The following SCGB2B2 variants were observed in gnomAD, a reference collection of about 807,000 sequenced individuals.
The protein encoded by SCGB2B2 is secretoglobin family 2B member 2.
In SCGB2B2, 11 loss-of-function variants were observed where a neutral mutation model predicts 7.6. That is an observed-to-expected ratio of 1.45 (90% confidence interval 0.91 to 2.40). The LOEUF is 2.40. Among genes scored for constraint, SCGB2B2 ranks in the 30% most tolerant of loss-of-function variants. SCGB2B2 has a pLI of 0.00. For missense variants in SCGB2B2, 104 were observed against 115.4 expected, an observed-to-expected ratio of 0.90 and a Z score of 0.45; for synonymous variants, 50 against 48.6, an observed-to-expected ratio of 1.03 and a Z score of -0.12.
intron 1 of SCGB2B2, among the ~76,000 whole-genome samples, chr19:34,668,272 GGGCCCCGCACTCCGAGCTGCCGGCC>G (rs1322837348): frequency 2.0e-5 from 3 of 152,124 alleles, no homozygotes; most frequent in African/African-American, 7.2e-5. Flanking sequence ...TGGGCTTGGC[GGGCCCCGCACTCCGAGCTGCCGGCC>G]GGCCCTGCCT....
chr19:34,631,234 T>A lies in SCGB2B2; in HGVS notation c.-2031-34640A>T, dbSNP rs939481916. ...ACATATGTAACAAACCTGCACGTTG[T>A]GCACATGTACCCTAAAACTTAAAGT... On this transcript the variant is annotated intron_variant, in intron 1 of 3. Coordinates refer to ENST00000601241, the MANE Select transcript of SCGB2B2 (RefSeq NM_001025591.4). 7.2e-5 allele frequency among the ~76,000 whole-genome samples: 11 copies of A among 151,944 alleles called. No individual in the cohort carries two copies. In the East Asian group the frequency reaches 1.9e-3, roughly 27 times the overall value.
At chr19:34,643,933 T>C (rs1355046222) in intron 1 of SCGB2B2, among the ~76,000 whole-genome samples, 1 of 152,066 alleles carries the variant, frequency 6.6e-6, no homozygotes, top group Non-Finnish European at 1.5e-5. Context: ...AATTACTTTC[T>C]ACAGAAAAAG....
intron 1 of SCGB2B2, among the ~76,000 whole-genome samples, chr19:34,637,144 A>AGGGGGCAGAATT (rs927485782): frequency 5.9e-5 from 9 of 152,168 alleles, no homozygotes; most frequent in Non-Finnish European, 1.0e-4. Flanking sequence ...CCAGGAGGGA[A>AGGGGGCAGAATT]GGGGGCAGAA....
intron 1 of SCGB2B2, among the ~76,000 whole-genome samples, chr19:34,616,297 T>A (rs1057244473): frequency 5.4e-5 from 8 of 148,990 alleles, no homozygotes; most frequent in African/African-American, 2.0e-4. Flanking sequence ...TAGTTTACAG[T>A]CCCACCGACA....
chr19:34,651,048 T>C (rs954657788), intron 1 of SCGB2B2, among the ~76,000 whole-genome samples: 2 of 151,324 alleles, frequency 1.3e-5, no homozygotes, highest in Non-Finnish European at 2.9e-5. Context: ...TAAAATTCAA[T>C]AGTCCTTAAT....
chr19:34,675,470 G>GA (rs1400656675), intron 1 of SCGB2B2, among the ~76,000 whole-genome samples, 160 bp downstream of exon 1: 1 of 152,198 alleles, frequency 6.6e-6, no homozygotes, highest in African/African-American at 2.4e-5. Context: ...AAATGAGGCT[G>GA]AGACCTACTT....
At chr19:34,626,054 G>A (rs547199197) in intron 1 of SCGB2B2, among the ~76,000 whole-genome samples, 1 of 152,320 alleles carries the variant, frequency 6.6e-6, no homozygotes, top group Non-Finnish European at 1.5e-5. Flanking sequence ...CTGCAGCTGA[G>A]GGTCCTGACT....
rs181765508 is a variant in SCGB2B2, at chr19:34,625,405, C to T, written c.-2031-28811G>A. ...GGGTGACAGACGGCACATGGAAAAT[C>T]GGGTCACTCCCACCCTAATACTGCA... is the stretch of plus-strand genomic sequence containing the variant. On this transcript the variant is annotated intron_variant, in intron 1 of 3. Coordinates refer to ENST00000601241, the MANE Select transcript of SCGB2B2 (RefSeq NM_001025591.4). Among the ~76,000 whole-genome samples the T allele has an allele frequency of 4.3e-3, 654 of 152,296 alleles. 6 individuals are homozygous for T. Among genetic ancestry groups the T allele is most frequent in the African/African-American group, 0.014 (596 of 41,554 alleles).
In SCGB2B2 at chr19:34,661,994, C is replaced by A. The variant is rs1002721502; in HGVS notation, c.-2032+13636G>T. On this transcript the variant is annotated intron_variant, in intron 1 of 3. Coordinates refer to ENST00000601241, the MANE Select transcript of SCGB2B2 (RefSeq NM_001025591.4). ...TCCCAGGTTCAAGCAATTCTCCTGC[C>A]TCAGCCTCCCAAGTAGCTAGGACTA... Among the ~76,000 whole-genome samples, 13 of 152,094 alleles carry A rather than the reference C, an allele frequency of 8.5e-5. 1 individual carries two copies. Among genetic ancestry groups the A allele is most frequent in the Non-Finnish European group, 1.6e-4 (11 of 68,020 alleles).
chr19:34,658,720 A>G (rs2067355219), intron 1 of SCGB2B2, among the ~76,000 whole-genome samples: 1 of 151,744 alleles, frequency 6.6e-6, no homozygotes, highest in African/African-American at 2.4e-5. Context: ...CAATCAACAG[A>G]AAAAGAGGGA....
rs74183311 is a variant in SCGB2B2, at chr19:34,615,439, A to AT, written c.-2031-18846dup. On this transcript the variant is annotated intron_variant, in intron 1 of 3. Coordinates refer to ENST00000601241, the MANE Select transcript of SCGB2B2 (RefSeq NM_001025591.4). The stretch of plus-strand genomic sequence containing the variant: ...GGGGATGGGACAGTGGAGGTCCAGC[A>AT]TTTTTTTTTTTTTTTCATTCTCAAT... 3.6e-3 allele frequency among the ~76,000 whole-genome samples: 475 copies of AT among 133,646 alleles called. 3 individuals carry two copies. The highest frequency in any genetic ancestry group is 9.9e-3 in the African/African-American group (346 of 34,938). The allele number at this position is 133,646 out of a possible 152,430, so 87.7% of individuals were successfully genotyped here. A position where few individuals can be genotyped will look rare whatever the true frequency, so the allele number is the denominator to read the frequency against.
chr19:34,598,512 G>A (rs1361008963), intron 1 of SCGB2B2, among the ~76,000 whole-genome samples: 3 of 151,974 alleles, frequency 2.0e-5, no homozygotes, highest in Non-Finnish European at 4.4e-5. Context: ...ATCCTGCAGA[G>A]GATTTTTGGA....
At chr19:34,642,038 C>T (rs930032065) in intron 1 of SCGB2B2, among the ~76,000 whole-genome samples, 2 of 152,180 alleles carry the variant, frequency 1.3e-5, no homozygotes, top group Admixed American at 6.5e-5. Flanking sequence ...TCTCCAATGC[C>T]ACTCTGCTGT....
At chr19:34,605,755 T>A (rs1302356799) in intron 1 of SCGB2B2, among the ~76,000 whole-genome samples, 2 of 151,162 alleles carry the variant, frequency 1.3e-5, no homozygotes, top group Non-Finnish European at 3.0e-5. Context: ...GTCTGGCTAA[T>A]TTTTTTTTGT....
At chr19:34,611,512 T>C (rs948218898) in intron 1 of SCGB2B2, among the ~76,000 whole-genome samples, 21 of 152,164 alleles carry the variant, frequency 1.4e-4, no homozygotes, top group African/African-American at 4.8e-4. Context: ...GTTGTGTTGG[T>C]TTCATCTGAA....
chr19:34,601,238 C>T lies in SCGB2B2; in HGVS notation c.-2031-4644G>A, dbSNP rs565396836. On this transcript the variant is annotated intron_variant, in intron 1 of 3. Transcript: ENST00000601241. Reference sequence around the variant, plus strand: ...CTTCTGAGTTCTCTATTTTGTCTCACTAGTCTGTTTGTCTGTCTCTATGCC... The same window carrying T: ...CTTCTGAGTTCTCTATTTTGTCTCATTAGTCTGTTTGTCTGTCTCTATGCC... Among the ~76,000 whole-genome samples the T allele has an allele frequency of 3.3e-5, 5 of 152,338 alleles. No individual in the cohort carries two copies. The East Asian group carries it at 7.7e-4, about 23-fold the overall frequency.
At chr19:34,610,455 T>C (rs2065896222) in intron 1 of SCGB2B2, among the ~76,000 whole-genome samples, 1 of 152,186 alleles carries the variant, frequency 6.6e-6, no homozygotes, top group Non-Finnish European at 1.5e-5. Flanking sequence ...TTGCCATATA[T>C]TTATTTTATT....
chr19:34,655,319 C>T (rs980685830), intron 1 of SCGB2B2, among the ~76,000 whole-genome samples: 11 of 151,316 alleles, frequency 7.3e-5, no homozygotes, highest in South Asian at 4.2e-4. Flanking sequence ...CAAATCTATT[C>T]GTTCTGAAGC....
intron 1 of SCGB2B2, among the ~76,000 whole-genome samples, chr19:34,614,875 G>T (rs754603241): frequency 1.3e-5 from 2 of 152,182 alleles, no homozygotes; most frequent in Non-Finnish European, 2.9e-5. Flanking sequence ...TATCTGTGTT[G>T]AATGTTATCA....
Sources: allele counts gnomAD v4.1 joint callset (sites outside exome capture counted in the v4.1 genomes callset), GRCh38; gene constraint gnomAD v4.1.1; transcripts MANE v1.5; gene names NCBI Gene and HGNC (gene_info 2026-07-23, HGNC 2026-07-21).